The following FLRT2 variants were observed in gnomAD, a reference collection of about 807,000 sequenced individuals.
FLRT2 encodes the protein leucine-rich repeat transmembrane protein FLRT2.
Under a neutral mutation model 40.0 loss-of-function variants are expected in FLRT2, and 15 were observed. That is an observed-to-expected ratio of 0.38 (90% CI 0.25 to 0.58). The LOEUF is 0.58. FLRT2 is among the 20% of genes least tolerant of loss of function. FLRT2 has a pLI of 0.71. For missense variants in FLRT2, 726 were observed against 840.0 expected (o/e 0.86, Z 1.68); for synonymous variants, 380 against 336.8 (o/e 1.13, Z -1.41).
chr14:85,579,969 G>T (rs1054941049), intron 1 of FLRT2, among the ~76,000 whole-genome samples: 4 of 139,204 alleles, frequency 2.9e-5, no homozygotes, highest in Middle Eastern at 3.9e-3. Flanking sequence ...TTATCCAAAG[G>T]GGTTGATGCC....
chr14:85,547,622 GCTTTGT>G (rs557870456), intron 1 of FLRT2, among the ~76,000 whole-genome samples: 217 of 152,202 alleles, frequency 1.4e-3, no homozygotes, highest in Middle Eastern at 6.8e-3. Flanking sequence ...TTGCTCGGCC[GCTTTGT>G]CTTTATTTTC....
chr14:85,563,778 T>C (rs1047161890), intron 1 of FLRT2, among the ~76,000 whole-genome samples: 1 of 152,170 alleles, frequency 6.6e-6, no homozygotes, highest in East Asian at 1.9e-4. Flanking sequence ...TAGTACTTTA[T>C]GTAATCTTAA....
chr14:85,594,159 T>C (rs1892029512), intron 1 of FLRT2, among the ~76,000 whole-genome samples: 1 of 152,250 alleles, frequency 6.6e-6, no homozygotes, highest in South Asian at 2.1e-4. Context: ...TCCAATTATT[T>C]GTTAATAATT....
chr14:85,556,929 GC>G (rs1889998850), intron 1 of FLRT2, among the ~76,000 whole-genome samples: 1 of 152,168 alleles, frequency 6.6e-6, no homozygotes, highest in South Asian at 2.1e-4. Flanking sequence ...CAGAATCATG[GC>G]GGGAGGCAAA....
chr14:85,599,889 G>T (rs1396619555), intron 1 of FLRT2, among the ~76,000 whole-genome samples: 1 of 152,184 alleles, frequency 6.6e-6, no homozygotes, highest in Admixed American at 6.5e-5. Flanking sequence ...GAATAAAAAG[G>T]CTGCATACAG....
chr14:85,634,366 G>A lies in FLRT2; in HGVS notation c.*10869G>A, dbSNP rs1893952154. On this transcript the variant is annotated 3_prime_UTR_variant, in exon 2 of 2. Coordinates refer to ENST00000330753, the MANE Select transcript of FLRT2 (RefSeq NM_013231.6). ...CTCTATTCTGTTTGGACTAGTGTCT[G>A]TTTTGACTGGTAGGCCTCAGCTATC... is the stretch of plus-strand genomic sequence containing the variant. The A allele has an allele frequency of 6.6e-6, 1 of 152,140 alleles. No individual in the cohort carries two copies. The highest frequency in any genetic ancestry group is 6.6e-5 in the Admixed American group (1 of 15,262). 9.4% of individuals were successfully genotyped at this position (152,140 alleles called of 1,614,324 possible). A position where few individuals can be genotyped will look rare whatever the true frequency, so the allele number is the denominator to read the frequency against.
intron 1 of FLRT2, among the ~76,000 whole-genome samples, chr14:85,614,672 C>T (rs1893045489): frequency 6.6e-6 from 1 of 152,168 alleles, no homozygotes; most frequent in Admixed American, 6.5e-5. Context: ...AAACCACAAT[C>T]TGCAGGGGTG....
rs1893820884 is a variant in FLRT2 at position 85,629,822 on chromosome 14, A to G, written c.*6325A>G. ...AAGGGAACATTTTAGAAGCCTCAAA[A>G]TTCTTGTCTTTTAAAGCCCTTGGTC... is the stretch of plus-strand genomic sequence containing the variant. On this transcript the variant is annotated 3_prime_UTR_variant, in exon 2 of 2. Transcript: ENST00000330753. 6.6e-6 allele frequency: 1 copy of G among 152,174 alleles called. No individual in the cohort carries two copies. Among genetic ancestry groups the G allele is most frequent in the South Asian group, 2.1e-4 (1 of 4,832 alleles). The allele number at this position is 152,174 out of a possible 1,614,324, so 9.4% of individuals were successfully genotyped here. A position where few individuals can be genotyped will look rare whatever the true frequency, so the allele number is the denominator to read the frequency against.
chr14:85,553,595 C>T (rs113197415), intron 1 of FLRT2, among the ~76,000 whole-genome samples: 25 of 152,062 alleles, frequency 1.6e-4, no homozygotes, highest in African/African-American at 4.6e-4. Context: ...GTGGGGACTA[C>T]GGACATTAGA....
chr14:85,553,691 G>A (rs576483541), intron 1 of FLRT2, among the ~76,000 whole-genome samples: 79 of 152,044 alleles, frequency 5.2e-4, no homozygotes, highest in African/African-American at 1.7e-3. Context: ...GGGTGAGGAC[G>A]GAAAGGAAAA....
At chr14:85,577,075 A>G (rs1333321927) in intron 1 of FLRT2, among the ~76,000 whole-genome samples, 3 of 152,160 alleles carry the variant, frequency 2.0e-5, no homozygotes, top group Non-Finnish European at 4.4e-5. Context: ...AAAATAAACG[A>G]TGAGCGATTT....
At chr14:85,550,341 G>A (rs1406888335) in intron 1 of FLRT2, among the ~76,000 whole-genome samples, 2 of 152,126 alleles carry the variant, frequency 1.3e-5, no homozygotes, top group Non-Finnish European at 2.9e-5. Flanking sequence ...AAACCCTAGG[G>A]AATGGCTGTT....
At chr14:85,587,248 A>T (rs961071254) in intron 1 of FLRT2, among the ~76,000 whole-genome samples, 1 of 151,062 alleles carries the variant, frequency 6.6e-6, no homozygotes, top group African/African-American at 2.4e-5. Context: ...TGAGCCTTGA[A>T]ACTGCTTTGT....
chr14:85,552,480 A>G (rs1889694624), intron 1 of FLRT2, among the ~76,000 whole-genome samples: 1 of 152,208 alleles, frequency 6.6e-6, no homozygotes, highest in South Asian at 2.1e-4. Flanking sequence ...TGGCTTATTC[A>G]GAAAAAGTTA....
At chr14:85,532,379 A>T (rs556456424) in intron 1 of FLRT2, among the ~76,000 whole-genome samples, 1 of 152,352 alleles carries the variant, frequency 6.6e-6, no homozygotes, top group African/African-American at 2.4e-5. Context: ...GCAGCACGAA[A>T]TAAGATGAGA....
Position 85,641,442 on chromosome 14 carries a change from G to T in FLRT2, c.*17945G>T, listed in dbSNP as rs1223364363. 1 of 152,198 alleles carries T rather than the reference G, an allele frequency of 6.6e-6. No homozygotes were observed. The highest frequency in any genetic ancestry group is 1.5e-5 in the Non-Finnish European group (1 of 68,048). 9.4% of individuals were successfully genotyped at this position (152,198 alleles called of 1,614,324 possible). A position where few individuals can be genotyped will look rare whatever the true frequency, so the allele number is the denominator to read the frequency against. Reference sequence around the variant, plus strand: ...AGTCTTGGGCCCAAGAGGCCATCAGGCACGGTGCCCATAATCAGTGTTTTA... The same window carrying T: ...AGTCTTGGGCCCAAGAGGCCATCAGTCACGGTGCCCATAATCAGTGTTTTA... On this transcript the variant is annotated 3_prime_UTR_variant, in exon 2 of 2. Coordinates refer to ENST00000330753, the MANE Select transcript of FLRT2 (RefSeq NM_013231.6).
chr14:85,570,284 ACT>A (rs1890826649), intron 1 of FLRT2, among the ~76,000 whole-genome samples: 1 of 152,204 alleles, frequency 6.6e-6, no homozygotes, highest in Admixed American at 6.5e-5. Flanking sequence ...ATTGTAAATA[ACT>A]CAGTAAACAC....
At chr14:85,576,358 AT>A (rs1433256427) in intron 1 of FLRT2, among the ~76,000 whole-genome samples, 1 of 151,850 alleles carries the variant, frequency 6.6e-6, no homozygotes, top group African/African-American at 2.4e-5. Flanking sequence ...GTTTTCCTTT[AT>A]TTAGGCATAA....
intron 1 of FLRT2, among the ~76,000 whole-genome samples, chr14:85,594,770 T>C (rs1232835661): frequency 1.3e-5 from 2 of 152,168 alleles, no homozygotes; most frequent in Non-Finnish European, 2.9e-5. Context: ...ACGGACCCTC[T>C]GCACAGTTGA....
Sources: allele counts gnomAD v4.1 joint callset (sites outside exome capture counted in the v4.1 genomes callset), GRCh38; gene constraint gnomAD v4.1.1; transcripts MANE v1.5; gene names NCBI Gene and HGNC (gene_info 2026-07-23, HGNC 2026-07-21).